The following MTFR1 variants were observed in gnomAD, a reference collection of about 807,000 sequenced individuals.
MTFR1 encodes chondrocyte protein with a poly-proline region.
In MTFR1, 28 loss-of-function variants were observed where a neutral mutation model predicts 38.8. The ratio of observed to expected loss-of-function variants is 0.72; its 90% CI spans 0.53 to 0.99. MTFR1 has a LOEUF of 0.99. Ranked by LOEUF, MTFR1 falls within the 50% of genes least tolerant of loss-of-function variation. The pLI, the probability that MTFR1 is intolerant of heterozygous loss-of-function variation, is 0.00. For missense variants in MTFR1, 358 were observed against 395.5 expected, an observed-to-expected ratio of 0.91 and a Z score of 0.81; for synonymous variants, 145 against 137.0, an observed-to-expected ratio of 1.06 and a Z score of -0.41.
chr8:65,711,732 G>GATCT (rs1293988481), downstream of MTFR1, among the ~76,000 whole-genome samples: 2 of 152,132 alleles, frequency 1.3e-5, no homozygotes, highest in African/African-American at 4.8e-5. Flanking sequence ...ACCAAGTAAG[G>GATCT]ATCTATAACT....
intron 3 of MTFR1, among the ~76,000 whole-genome samples, chr8:65,688,686 C>T (rs536655331): frequency 3.6e-4 from 55 of 151,040 alleles, no homozygotes; most frequent in Admixed American, 5.3e-4. Flanking sequence ...CCTCGTGATC[C>T]GCCCGCCTTC....
At chr8:65,774,976 G>A (rs556774433), downstream of MTFR1, among the ~76,000 whole-genome samples, 6 of 152,108 alleles carry the variant, frequency 3.9e-5, no homozygotes, top group Non-Finnish European at 7.4e-5. Flanking sequence ...CTCACAGACC[G>A]CACTTTAAGT....
intron 3 of MTFR1, among the ~76,000 whole-genome samples, chr8:65,766,094 C>T (rs953495981): frequency 1.3e-5 from 2 of 151,922 alleles, no homozygotes; most frequent in African/African-American, 2.4e-5. Flanking sequence ...TACAGGCGCC[C>T]GCCACCACGC....
Position 65,666,879 on chromosome 8 carries a change from C to T in MTFR1, c.-80-2994C>T, listed in dbSNP as rs558235041. 1.6e-3 allele frequency among the ~76,000 whole-genome samples: 239 copies of T among 152,252 alleles called. 1 individual carries two copies. The highest frequency in any genetic ancestry group is 5.5e-3 in the African/African-American group (229 of 41,542). On this transcript the variant is annotated intron_variant, in intron 1 of 7. Transcript: ENST00000262146. ...CTTTTACACTCCCTGGCACCATAAT[C>T]CCTCCCATTCACTCTGTGCCCCACT...
At chr8:65,712,364 G>A (rs533540299), downstream of MTFR1, among the ~76,000 whole-genome samples, 1 of 152,296 alleles carries the variant, frequency 6.6e-6, no homozygotes, top group East Asian at 1.9e-4. Flanking sequence ...TGTAGAGACT[G>A]CTCTGTAACC....
At chr8:65,668,240 T>G (rs1454459601) in intron 1 of MTFR1, among the ~76,000 whole-genome samples, 1 of 149,358 alleles carries the variant, frequency 6.7e-6, no homozygotes, top group African/African-American at 2.5e-5. Context: ...TGTAGTGGCG[T>G]GATCTCAGCT....
At chr8:65,685,027 C>T (rs958905647) in intron 3 of MTFR1, among the ~76,000 whole-genome samples, 6 of 152,116 alleles carry the variant, frequency 3.9e-5, no homozygotes, top group African/African-American at 1.2e-4. Context: ...AGCATTTTGT[C>T]TGCTACTTAA....
Position 65,704,746 on chromosome 8 carries a change from A to G in MTFR1, c.334A>G (p.Lys112Glu). The G allele has an allele frequency of 6.2e-7, 1 of 1,614,082 alleles. No individual in the cohort carries two copies. Among genetic ancestry groups the G allele is most frequent in the East Asian group, 2.2e-5 (1 of 44,860 alleles). The change falls in exon 5 of 8, where the codon AAG becomes GAG. Residue 112 changes from lysine (K) to glutamate (E), a missense_variant. Coordinates refer to ENST00000262146, the MANE Select transcript of MTFR1 (RefSeq NM_014637.4). Reference protein sequence around the residue: ...PLQDDLLFFEKAPSRQISLPD... With the variant: ...PLQDDLLFFEEAPSRQISLPD... ...TCAGGATGACCTTCTTTTCTTTGAG[A>G]AGGCCCCAAGCAGACAGATTTCCTT...
chr8:65,722,063 T>G (rs1385530144), intron 3 of MTFR1: 5 of 152,272 alleles, frequency 3.3e-5, no homozygotes, highest in Non-Finnish European at 7.3e-5. Flanking sequence ...AGTGCTGGGT[T>G]ACAAGTATGA....
At chr8:65,674,104 T>G (rs1804642220) in intron 2 of MTFR1, among the ~76,000 whole-genome samples, 1 of 152,052 alleles carries the variant, frequency 6.6e-6, no homozygotes, top group Non-Finnish European at 1.5e-5. Context: ...CAGCTAATTT[T>G]GTATCTTTAG....
At chr8:65,730,914 C>T (rs1806857748) in intron 3 of MTFR1, among the ~76,000 whole-genome samples, 1 of 152,130 alleles carries the variant, frequency 6.6e-6, no homozygotes. Context: ...CAGAGTGAGA[C>T]TCCATCTGAA....
chr8:65,693,894 C>T, intron 4 of MTFR1, 135 bp downstream of exon 4: 1 of 682,358 alleles, frequency 1.5e-6, no homozygotes, highest in East Asian at 2.8e-5. Flanking sequence ...GAACAGTCTT[C>T]TTTTCTGTTT....
chr8:65,738,673 T>C (rs1174618161), intron 3 of MTFR1, among the ~76,000 whole-genome samples: 2 of 152,032 alleles, frequency 1.3e-5, no homozygotes, highest in Non-Finnish European at 2.9e-5. Context: ...CCTCACGTGA[T>C]CCACCCGCCT....
In MTFR1 at chr8:65,659,208, A is replaced by G. The variant is rs1010302910; in HGVS notation, c.-80-10665A>G. Among the ~76,000 whole-genome samples the G allele has an allele frequency of 3.9e-5, 6 of 152,186 alleles. No homozygotes were observed. In the East Asian group the frequency reaches 5.8e-4, roughly 15 times the overall value. ...TCTCAAAATTTTCCTTTTTGGTGAT[A>G]ATACCACTCTTATTTTTCTACTACT... On this transcript the variant is annotated intron_variant, in intron 1 of 7. Transcript: ENST00000262146.
chr8:65,698,745 T>C (rs1468159220), intron 4 of MTFR1, among the ~76,000 whole-genome samples: 1 of 151,726 alleles, frequency 6.6e-6, no homozygotes, highest in Non-Finnish European at 1.5e-5. Context: ...TTTTTTTTTT[T>C]GAGACAGAGT....
At chr8:65,734,254 C>G (rs1255830163) in intron 3 of MTFR1, among the ~76,000 whole-genome samples, 1 of 152,138 alleles carries the variant, frequency 6.6e-6, no homozygotes, top group African/African-American at 2.4e-5. Flanking sequence ...GTTTCTTTCC[C>G]CGAAATGCAT....
At chr8:65,700,325 T>C (rs1482783334) in intron 4 of MTFR1, among the ~76,000 whole-genome samples, 1 of 128,146 alleles carries the variant, frequency 7.8e-6, no homozygotes, top group African/African-American at 3.0e-5. Context: ...CATTCCAACC[T>C]CAGCAATGGA....
At chr8:65,713,063 G>T (rs1383620687), downstream of MTFR1, among the ~76,000 whole-genome samples, 2 of 152,210 alleles carry the variant, frequency 1.3e-5, no homozygotes, top group Admixed American at 6.5e-5. Flanking sequence ...AAGACTTATT[G>T]ATGGGACCAG....
At chr8:65,668,841 C>T (rs943816875) in intron 1 of MTFR1, among the ~76,000 whole-genome samples, 1 of 152,038 alleles carries the variant, frequency 6.6e-6, no homozygotes, top group Admixed American at 6.6e-5. Flanking sequence ...GATGAGAGAG[C>T]AGTGTATTGA....
Sources: gnomAD v4.1 joint callset for allele counts (sites outside exome capture counted in the v4.1 genomes callset) on GRCh38, gnomAD v4.1.1 for gene constraint, MANE v1.5 for transcripts, NCBI Gene and HGNC (gene_info 2026-07-23, HGNC 2026-07-21) for gene names.